Variants in DOCK2 observed in about 807,000 individuals in gnomAD.
The protein encoded by DOCK2 is dedicator of cytokinesis 2.
Under a neutral mutation model 248.9 loss-of-function variants are expected in DOCK2, and 87 were observed. That is an observed-to-expected ratio of 0.35 (90% CI 0.29 to 0.42). DOCK2 has a LOEUF of 0.42. DOCK2 is among the 10% of genes least tolerant of loss of function. DOCK2 has a pLI of 1.00. For missense variants in DOCK2, 1,747 were observed against 2,300.2 expected (o/e 0.76, Z 4.92); for synonymous variants, 805 against 821.6 (o/e 0.98, Z 0.35).
intron 9 of DOCK2, among the ~76,000 whole-genome samples, chr5:169,693,112 A>G (rs1024361824): frequency 3.9e-5 from 6 of 152,078 alleles, no homozygotes; most frequent in Admixed American, 2.0e-4. Context: ...TAAGTATTTC[A>G]AAAATATGGA....
chr5:169,648,193 A>C (rs1443434403), intron 1 of DOCK2, among the ~76,000 whole-genome samples: 1 of 152,026 alleles, frequency 6.6e-6, no homozygotes, highest in East Asian at 1.9e-4. Context: ...GGGCCAGGAA[A>C]ATCTTTGTTA....
intron 36 of DOCK2, 114 bp downstream of exon 36, chr5:170,036,669 C>T: frequency 2.0e-6 from 2 of 978,138 alleles, no homozygotes; most frequent in Non-Finnish European, 3.0e-6. Context: ...TCTTGACATT[C>T]AGGCCCTCTG....
At chr5:169,834,859 A>T (rs1769460685) in intron 26 of DOCK2, among the ~76,000 whole-genome samples, 1 of 152,264 alleles carries the variant, frequency 6.6e-6, no homozygotes, top group Non-Finnish European at 1.5e-5. Flanking sequence ...GAGTGAAAAC[A>T]AGCAAACAGA....
chr5:169,759,767 GTTACTCA>G lies in DOCK2; in HGVS notation c.2440_2446del (p.Leu814AlafsTer14). 6.2e-7 allele frequency: 1 copy of G among 1,613,988 alleles called. No homozygotes were observed. The highest frequency in any genetic ancestry group is 8.5e-7 in the Non-Finnish European group (1 of 1,179,868). Reference sequence around the variant, plus strand: ...ATGTAGAAATGGTCTTTGATGCGAAGTTACTCAGGTGAGAGCTCATGTTGTACTTTCT... The same window carrying G: ...ATGTAGAAATGGTCTTTGATGCGAAGGGTGAGAGCTCATGTTGTACTTTCT... On this transcript the variant is annotated frameshift_variant and splice_region_variant, in exon 24 of 52. Coordinates refer to ENST00000520908, the MANE Select transcript of DOCK2 (RefSeq NM_004946.3). LOFTEE classifies it high-confidence loss of function.
At chr5:169,744,607 C>CAAAA (rs35858546) in intron 22 of DOCK2, among the ~76,000 whole-genome samples, 1 of 145,140 alleles carries the variant, frequency 6.9e-6, no homozygotes, top group Admixed American at 6.8e-5. Context: ...CTCATAAAAT[C>CAAAA]AAAAAAAAAA....
chr5:169,966,353 C>T (rs1365071651), intron 27 of DOCK2, among the ~76,000 whole-genome samples: 1 of 152,104 alleles, frequency 6.6e-6, no homozygotes, highest in East Asian at 1.9e-4. Flanking sequence ...CTTAGCTGTG[C>T]CTGTGTAGCT....
chr5:169,681,634 T>G, intron 6 of DOCK2, 110 bp from the exon 7 acceptor site: 4 of 1,374,986 alleles, frequency 2.9e-6, no homozygotes, highest in Non-Finnish European at 4.0e-6. Context: ...AGCTCTTCTA[T>G]GTGACTATAT....
At chr5:169,714,631 G>C (rs1761803784) in intron 19 of DOCK2, among the ~76,000 whole-genome samples, 174 bp downstream of exon 19, 1 of 152,136 alleles carries the variant, frequency 6.6e-6, no homozygotes, top group South Asian at 2.1e-4. Flanking sequence ...CCAGGGGAGT[G>C]ACTTGGTTCA....
chr5:170,047,085 C>T (rs927501904), intron 39 of DOCK2, among the ~76,000 whole-genome samples: 7 of 152,132 alleles, frequency 4.6e-5, no homozygotes, highest in Non-Finnish European at 7.3e-5. Flanking sequence ...CACAGGAAAA[C>T]ATCTGTATCA....
chr5:170,039,447 C>T (rs911904394), intron 36 of DOCK2, among the ~76,000 whole-genome samples: 4 of 152,198 alleles, frequency 2.6e-5, no homozygotes, highest in African/African-American at 4.8e-5. Context: ...GAGAACAGTG[C>T]CTGCGTTTGT....
intron 22 of DOCK2, among the ~76,000 whole-genome samples, chr5:169,725,125 G>A (rs927858794): frequency 1.3e-5 from 2 of 152,194 alleles, no homozygotes; most frequent in Admixed American, 6.5e-5. Context: ...TCTTCTGCGT[G>A]TAATTTGTTT....
intron 27 of DOCK2, among the ~76,000 whole-genome samples, chr5:169,910,064 A>T (rs1445821877): frequency 6.6e-6 from 1 of 151,968 alleles, no homozygotes; most frequent in Non-Finnish European, 1.5e-5. Flanking sequence ...CTTAATGTTT[A>T]CTCTGAATGG....
At chr5:169,970,894 C>A (rs1455736573) in intron 27 of DOCK2, among the ~76,000 whole-genome samples, 1 of 151,962 alleles carries the variant, frequency 6.6e-6, no homozygotes, top group Non-Finnish European at 1.5e-5. Context: ...GAGTGTGGAT[C>A]CGAATATACG....
chr5:169,708,648 A>G (rs1000488376), intron 15 of DOCK2, among the ~76,000 whole-genome samples: 3 of 150,412 alleles, frequency 2.0e-5, no homozygotes, highest in Non-Finnish European at 4.4e-5. Context: ...CACTGCAACC[A>G]CTGTCTCCCA....
chr5:169,742,476 T>C (rs1002611267), intron 22 of DOCK2, among the ~76,000 whole-genome samples: 1 of 152,180 alleles, frequency 6.6e-6, no homozygotes, highest in African/African-American at 2.4e-5. Flanking sequence ...CCTAAACTTC[T>C]CTATTGCTTC....
At chr5:169,817,866 T>C (rs949674317) in intron 26 of DOCK2, among the ~76,000 whole-genome samples, 1 of 152,268 alleles carries the variant, frequency 6.6e-6, no homozygotes, top group African/African-American at 2.4e-5. Context: ...GTGGTTTGAC[T>C]GATCCTCCCA....
At chr5:169,997,604 A>G (rs1306371220) in intron 30 of DOCK2, among the ~76,000 whole-genome samples, 1 of 146,808 alleles carries the variant, frequency 6.8e-6, no homozygotes, top group African/African-American at 2.6e-5. Flanking sequence ...ACTCTTAAGG[A>G]GCATGCTGCC....
At chr5:170,045,969 C>T in intron 39 of DOCK2, 64 bp downstream of exon 39, 1 of 1,516,900 alleles carries the variant, frequency 6.6e-7, no homozygotes, top group Non-Finnish European at 9.2e-7. Flanking sequence ...TCAGCTCACC[C>T]CAGATCCTGG....
intron 46 of DOCK2, among the ~76,000 whole-genome samples, chr5:170,069,943 CTT>C (rs1416126413): frequency 2.0e-5 from 3 of 152,116 alleles, no homozygotes; most frequent in Non-Finnish European, 4.4e-5. Context: ...GCCTCTCTGT[CTT>C]TTGCCCCCCA....
Sources: gnomAD v4.1 joint callset for allele counts (sites outside exome capture counted in the v4.1 genomes callset) on GRCh38, gnomAD v4.1.1 for gene constraint, MANE v1.5 for transcripts, NCBI Gene and HGNC (gene_info 2026-07-23, HGNC 2026-07-21) for gene names.